Variants in OR2L3 observed in about 807,000 individuals in gnomAD.
The protein encoded by OR2L3 is olfactory receptor family 2 subfamily L member 3, also known as olfactory receptor 2L3.
For synonymous variants in OR2L3, 131 were observed against 139.1 expected (o/e 0.94, Z 0.41); for missense variants, 369 against 376.6 (o/e 0.98, Z 0.17).
At chr1:248,048,921 CTCT>C (rs917575638) in intron 1 of OR2L3, among the ~76,000 whole-genome samples, 1 of 141,958 alleles carries the variant, frequency 7.0e-6, no homozygotes, top group African/African-American at 2.8e-5. Context: ...TTTTCTCTCT[CTCT>C]TTTTTTTTTT....
rs1217439010 is a variant in OR2L3 at position 248,062,778 on chromosome 1, T to G, written c.*1158T>G. 6.6e-6 allele frequency: 1 copy of G among 152,246 alleles called. No individual in the cohort carries two copies. Among genetic ancestry groups the G allele is most frequent in the Non-Finnish European group, 1.5e-5 (1 of 68,036 alleles). The allele number at this position is 152,246 out of a possible 1,614,324, so 9.4% of individuals were successfully genotyped here. On this transcript the variant is annotated 3_prime_UTR_variant, in exon 2 of 2. Coordinates refer to ENST00000359959, the MANE Select transcript of OR2L3 (RefSeq NM_001004687.2). ...AAAGAAATAACCATATTTGAGGTGA[T>G]GGTTACCCCGATTAACCCGATTTGA... is the stretch of plus-strand genomic sequence containing the variant.
chr1:248,055,104 G>A (rs1033753661), intron 1 of OR2L3, among the ~76,000 whole-genome samples: 2 of 152,070 alleles, frequency 1.3e-5, no homozygotes, highest in South Asian at 4.1e-4. Context: ...TTATTTTGAT[G>A]TATGTTCCTT....
At chr1:248,056,993 G>A (rs966617577) in intron 1 of OR2L3, among the ~76,000 whole-genome samples, 1 of 152,104 alleles carries the variant, frequency 6.6e-6, no homozygotes. Flanking sequence ...TTGTGCTGTG[G>A]TCTGAGAGAC....
chr1:248,049,948 A>C lies in OR2L3; in HGVS notation c.-22+3068A>C, dbSNP rs1487084893. Reference sequence around the variant, plus strand: ...TATATGTATGTGTGTTTGTGGATCTAGAGGAGTTTACTGAAAATCTCTGAA... The same window carrying C: ...TATATGTATGTGTGTTTGTGGATCTCGAGGAGTTTACTGAAAATCTCTGAA... On this transcript the variant is annotated intron_variant, in intron 1 of 1. Transcript: ENST00000359959. Among the ~76,000 whole-genome samples, 6 of 152,326 alleles carry C rather than the reference A, an allele frequency of 3.9e-5. No homozygotes were observed. The South Asian group carries it at 8.3e-4, about 21-fold the overall frequency.
intron 1 of OR2L3, among the ~76,000 whole-genome samples, chr1:248,047,524 G>A (rs776907374): frequency 2.6e-5 from 4 of 152,134 alleles, no homozygotes; most frequent in South Asian, 2.1e-4. Flanking sequence ...GAAGGTAACC[G>A]TATGATTAGT....
At position 248,056,929 on chromosome 1, in the gene OR2L3, C is replaced by T. The variant is rs565996378; in HGVS notation, c.-21-3732C>T. On this transcript the variant is annotated intron_variant, in intron 1 of 1. Transcript: ENST00000359959. The stretch of plus-strand genomic sequence containing the variant: ...CCTCCCAAAGTGCTGGGATTACAGT[C>T]GTGAGCCACTGTGCCTGGCCTTGAG... Among the ~76,000 whole-genome samples, 161 of 151,740 alleles carry T rather than the reference C, an allele frequency of 1.1e-3. 1 individual carries two copies. Among genetic ancestry groups the T allele is most frequent in the African/African-American group, 3.6e-3 (151 of 41,380 alleles).
chr1:248,056,544 T>G (rs149964798), intron 1 of OR2L3, among the ~76,000 whole-genome samples: 1 of 152,296 alleles, frequency 6.6e-6, no homozygotes, highest in East Asian at 1.9e-4. Flanking sequence ...GAGATTCTGA[T>G]GAGTTGTCTC....
At chr1:248,050,780 G>A (rs1391713345) in intron 1 of OR2L3, among the ~76,000 whole-genome samples, 7 of 151,894 alleles carry the variant, frequency 4.6e-5, no homozygotes, top group East Asian at 1.9e-4. Flanking sequence ...TATAAATTAC[G>A]GAGTATTGGA....
chr1:248,056,533 G>A (rs547419655), intron 1 of OR2L3, among the ~76,000 whole-genome samples: 13 of 152,140 alleles, frequency 8.5e-5, no homozygotes, highest in South Asian at 4.2e-4. Context: ...TCTGCATCCC[G>A]GAGATTCTGA....
chr1:248,052,101 A>G (rs1015231006), intron 1 of OR2L3, among the ~76,000 whole-genome samples: 5 of 152,164 alleles, frequency 3.3e-5, no homozygotes, highest in African/African-American at 1.2e-4. Context: ...CAGCTGTATC[A>G]TTTTCCACAG....
rs775581151 is a variant in OR2L3, at chr1:248,061,560, C to G, written c.879C>G (p.Asn293Lys). Residue 293 changes from asparagine (N) to lysine (K), a missense_variant, in exon 2 of 2, where the codon AAC (asparagine) becomes AAG (lysine). Coordinates refer to ENST00000359959, the MANE Select transcript of OR2L3 (RefSeq NM_001004687.2). ...MLNPIIYSLR[N>K]KEVMGALTRV... The stretch of plus-strand genomic sequence containing the variant: ...ACCCCATCATCTATAGCCTGAGGAA[C>G]AAGGAGGTGATGGGGGCCCTGACAC... 9 of 1,613,664 alleles carry G rather than the reference C, an allele frequency of 5.6e-6. No individual in the cohort carries two copies. The highest frequency in any genetic ancestry group is 6.8e-6 in the Non-Finnish European group (8 of 1,179,858).
chr1:248,052,870 T>A (rs185204119), intron 1 of OR2L3, among the ~76,000 whole-genome samples: 125 of 152,106 alleles, frequency 8.2e-4, no homozygotes, highest in African/African-American at 2.8e-3. Flanking sequence ...AAAAAAAAAA[T>A]TTATCATTTT....
At position 248,061,474 on chromosome 1, in the gene OR2L3, C is replaced by A. The variant is rs201381266; in HGVS notation, c.793C>A (p.Arg265=). Residue 265 remains arginine, a synonymous_variant, in exon 2 of 2, where the codon CGA becomes AGA. Coordinates refer to ENST00000359959, the MANE Select transcript of OR2L3 (RefSeq NM_001004687.2). Reference sequence around the variant, plus strand: ...CACTTATCTACGTCCAAGATCCCTGCGATCTCCAACAGAGGACAAGGTTCT... The same window carrying A: ...CACTTATCTACGTCCAAGATCCCTGAGATCTCCAACAGAGGACAAGGTTCT... The part of the protein sequence containing the change: ...VYTYLRPRSL[R]SPTEDKVLAV... 8 of 1,613,966 alleles carry A rather than the reference C, an allele frequency of 5.0e-6. No homozygotes were observed. Among genetic ancestry groups the A allele is most frequent in the South Asian group, 1.1e-5 (1 of 91,076 alleles).
At chr1:248,055,330 T>C (rs1329562768) in intron 1 of OR2L3, among the ~76,000 whole-genome samples, 1 of 152,220 alleles carries the variant, frequency 6.6e-6, no homozygotes, top group Non-Finnish European at 1.5e-5. Flanking sequence ...TGCTGCTGGA[T>C]TCAATTTGTC....
At chr1:248,058,978 AT>A (rs1663530414) in intron 1 of OR2L3, among the ~76,000 whole-genome samples, 2 of 151,966 alleles carry the variant, frequency 1.3e-5, no homozygotes, top group African/African-American at 4.8e-5. Flanking sequence ...AAGGTCCTTT[AT>A]GTTACCTGTT....
intron 1 of OR2L3, among the ~76,000 whole-genome samples, chr1:248,057,547 T>G (rs1177745115): frequency 4.6e-5 from 7 of 152,198 alleles, no homozygotes; most frequent in Non-Finnish European, 1.0e-4. Context: ...ATAAGATGTG[T>G]CTCTTGAATA....
intron 1 of OR2L3, among the ~76,000 whole-genome samples, chr1:248,056,632 G>A (rs1663440839): frequency 6.7e-6 from 1 of 148,760 alleles, no homozygotes; most frequent in African/African-American, 2.5e-5. Flanking sequence ...TTCAGGAGCA[G>A]GTTGTTCTAT....
rs142544548 is a variant in OR2L3 at position 248,048,035 on chromosome 1, C to T, written c.-22+1155C>T. On this transcript the variant is annotated intron_variant, in intron 1 of 1. Transcript: ENST00000359959. ...TTTATTTTAAATGGAGTCTCTGTCCCGTGAACTTACAGCGTGAAGCAGAGT... is the reference window on the plus strand; with the variant it reads ...TTTATTTTAAATGGAGTCTCTGTCCTGTGAACTTACAGCGTGAAGCAGAGT... Among the ~76,000 whole-genome samples the T allele has an allele frequency of 4.6e-3, 700 of 152,196 alleles. 8 individuals carry two copies. The highest frequency in any genetic ancestry group is 5.7e-3 in the Non-Finnish European group (386 of 67,994).
At chr1:248,048,090 A>G (rs1218264211) in intron 1 of OR2L3, among the ~76,000 whole-genome samples, 5 of 152,188 alleles carry the variant, frequency 3.3e-5, no homozygotes, top group Non-Finnish European at 7.3e-5. Flanking sequence ...AATAACAGTC[A>G]AAGGATATAC....
Sources: gnomAD v4.1 joint callset for allele counts (sites outside exome capture counted in the v4.1 genomes callset) on GRCh38, gnomAD v4.1.1 for gene constraint, MANE v1.5 for transcripts, NCBI Gene and HGNC (gene_info 2026-07-23, HGNC 2026-07-21) for gene names.